Variants in MSS51 observed in about 807,000 individuals in gnomAD.
MSS51 encodes the protein putative protein MSS51 homolog, mitochondrial.
A neutral mutation model predicts 40.2 loss-of-function variants in MSS51; 32 were observed. The ratio of observed to expected loss-of-function variants is 0.80; its 90% CI spans 0.60 to 1.07. MSS51 has a LOEUF of 1.07. Among genes scored for constraint, MSS51 ranks in the 50% least tolerant of loss-of-function variants. The pLI is 0.00. For missense variants in MSS51, 518 were observed against 568.9 expected (o/e 0.91, Z 0.91); for synonymous variants, 178 against 214.2 (o/e 0.83, Z 1.48).
chr10:73,432,482 T>C (rs1376552488), intron 1 of MSS51, among the ~76,000 whole-genome samples: 1 of 152,188 alleles, frequency 6.6e-6, no homozygotes, highest in Admixed American at 6.5e-5. Context: ...ATAAGCCTTT[T>C]TGCTGCAATG....
chr10:73,432,163 T>TA (rs1488641045), intron 1 of MSS51, among the ~76,000 whole-genome samples: 2 of 152,070 alleles, frequency 1.3e-5, no homozygotes, highest in African/African-American at 4.8e-5. Context: ...CTCAGCCTCC[T>TA]GAGTAGCTGG....
intron 2 of MSS51, 108 bp from the exon 3 acceptor site, chr10:73,427,876 C>T: frequency 7.5e-7 from 1 of 1,328,588 alleles, no homozygotes; most frequent in Non-Finnish European, 1.0e-6. Context: ...TCCTATGTCT[C>T]CCACTGCCAT....
intron 6 of MSS51, 68 bp from the exon 7 acceptor site, chr10:73,424,840 A>G (rs1285554580): frequency 7.6e-6 from 10 of 1,311,364 alleles, no homozygotes; most frequent in Non-Finnish European, 1.1e-5. Context: ...ACTGCCCAAG[A>G]GCCTGACATT....
intron 1 of MSS51, among the ~76,000 whole-genome samples, chr10:73,429,339 T>C (rs1403921207): frequency 1.3e-5 from 2 of 152,192 alleles, no homozygotes; most frequent in African/African-American, 2.4e-5. Context: ...GGAGAAAATA[T>C]TAATATAGCT....
At chr10:73,429,609 C>A (rs1251809417) in intron 1 of MSS51, 1 of 456,610 alleles carries the variant, frequency 2.2e-6, no homozygotes, top group Non-Finnish European at 4.4e-6. Context: ...AGAAGTAAGC[C>A]TACACTCAGT....
At chr10:73,424,854 G>A (rs999693132) in intron 6 of MSS51, 82 bp from the exon 7 acceptor site, 27 of 1,163,548 alleles carry the variant, frequency 2.3e-5, no homozygotes, top group African/African-American at 3.0e-5. Context: ...TGACATTTCT[G>A]TAATCACCCA....
chr10:73,430,388 A>T (rs2056019275), intron 1 of MSS51, among the ~76,000 whole-genome samples: 1 of 152,216 alleles, frequency 6.6e-6, no homozygotes, highest in South Asian at 2.1e-4. Context: ...TATTCAAAAT[A>T]TATAAAGAAT....
chr10:73,429,264 A>T (rs557158421), intron 1 of MSS51, among the ~76,000 whole-genome samples: 2 of 152,348 alleles, frequency 1.3e-5, no homozygotes, highest in Admixed American at 6.5e-5. Context: ...GAAGGCAGTT[A>T]AATAGGAACT....
Position 73,427,785 on chromosome 10 carries a change from G to A in MSS51, c.222-17C>T. 6.2e-7 allele frequency: 1 copy of A among 1,612,000 alleles called. No homozygotes were observed. Among genetic ancestry groups the A allele is most frequent in the South Asian group, 1.1e-5 (1 of 90,800 alleles). ...ACCACCAACCTGCAGAGACAGCATG[G>A]AGAAGGAATGACAATGGGGAAAGGA... On this transcript the variant is annotated splice_polypyrimidine_tract_variant and intron_variant, in intron 2 of 6. Coordinates refer to ENST00000299432, the MANE Select transcript of MSS51 (RefSeq NM_001024593.2).
Position 73,425,089 on chromosome 10 carries a change from G to T in MSS51, c.1163+9C>A. 1 of 1,603,488 alleles carries T rather than the reference G, an allele frequency of 6.2e-7. No individual in the cohort carries two copies. The highest frequency in any genetic ancestry group is 8.5e-7 in the Non-Finnish European group (1 of 1,170,560). On this transcript the variant is annotated intron_variant, in intron 6 of 6. Transcript: ENST00000299432. ...CAGGGAAGTATCACAAATAGGATGA[G>T]GTCAAAACCTGTAAACAGTAATCAA...
chr10:73,428,854 C>T (rs1395563251), intron 1 of MSS51, among the ~76,000 whole-genome samples: 6 of 151,622 alleles, frequency 4.0e-5, no homozygotes, highest in African/African-American at 1.5e-4. Context: ...TATATATATA[C>T]ACACACATAT....
At position 73,425,924 on chromosome 10, in the gene MSS51, T is replaced by C. The variant is rs1268864969; in HGVS notation, c.956A>G (p.Glu319Gly). ...GGCACTAAGCTGAATTGTGCCAGGT[T>C]CCAGGGGTGAAGTTGAGGTGCTCTG... ...FSQSTSTSPL[E>G]PGTIQLSAHR... Residue 319 changes from glutamate (E) to glycine (G), a missense_variant, in exon 5 of 7, where the codon GAA (glutamate) becomes GGA (glycine). Coordinates refer to ENST00000299432, the MANE Select transcript of MSS51 (RefSeq NM_001024593.2). 1 of 1,614,036 alleles carries C rather than the reference T, an allele frequency of 6.2e-7. No homozygotes were observed. The highest frequency in any genetic ancestry group is 1.3e-5 in the African/African-American group (1 of 74,912).
rs769088492 is a variant in MSS51, at chr10:73,424,782, AG to A, written c.1164-11del. 126 of 1,604,296 alleles carry A rather than the reference AG, an allele frequency of 7.9e-5. No homozygotes were observed. The African/African-American group carries it at 1.3e-3, about 17-fold the overall frequency. On this transcript the variant is annotated splice_polypyrimidine_tract_variant and intron_variant, in intron 6 of 6. Transcript: ENST00000299432. The stretch of plus-strand genomic sequence containing the variant: ...TACCAACTCCTGATGGCTGTAGAAG[AG>A]AGAGAAGAAAAATTACTCTACTGAT...
At position 73,427,731 on chromosome 10, in the gene MSS51, C is replaced by A. The variant is rs773176348; in HGVS notation, c.259G>T (p.Gly87Ter). ...VDGGTPVSGFGFRCPQEMFQR... is the reference protein window; with the variant it reads ...VDGGTPVSGF ...AACATTTCTTGAGGACATCGAAATC[C>A]AAAGCCTGATACGGGGGTACCCCCA... Residue 87 changes from glycine (G) to a stop codon, truncating the protein, a stop_gained, in exon 3 of 7, where the codon GGA becomes TGA. Coordinates refer to ENST00000299432, the MANE Select transcript of MSS51 (RefSeq NM_001024593.2). LOFTEE classifies it high-confidence loss of function. The A allele has an allele frequency of 1.2e-6, 2 of 1,614,160 alleles. No individual in the cohort carries two copies. The highest frequency in any genetic ancestry group is 1.7e-6 in the Non-Finnish European group (2 of 1,180,020).
chr10:73,430,110 A>T (rs1480474926), intron 1 of MSS51, among the ~76,000 whole-genome samples: 1 of 152,212 alleles, frequency 6.6e-6, no homozygotes, highest in Non-Finnish European at 1.5e-5. Flanking sequence ...GAATGACTCG[A>T]GTTTGAATGT....
chr10:73,424,692 A>G lies in MSS51; in HGVS notation c.1244T>C (p.Met415Thr). Residue 415 changes from methionine to threonine, a missense_variant, in exon 7 of 7, where the codon ATG becomes ACG. Physicochemically the swap from Met to Thr is moderately conservative, Grantham distance 81. Transcript: ENST00000299432. ...ATAGACCTGTTCAGGTTTGAGGGAC[A>G]TGAAAGGATTAGACCCAAAGGCAGT... ...HITAFGSNPF[M>T]SLKPEQVYSS... is the part of the protein sequence containing the mutation. 6.2e-7 allele frequency: 1 copy of G among 1,614,168 alleles called. No individual in the cohort carries two copies. Among genetic ancestry groups the G allele is most frequent in the Non-Finnish European group, 8.5e-7 (1 of 1,180,006 alleles).
chr10:73,426,290 T>G lies in MSS51; in HGVS notation c.590A>C (p.His197Pro). 6.2e-7 allele frequency: 1 copy of G among 1,609,486 alleles called. No homozygotes were observed. Residue 197 changes from histidine to proline, a missense_variant, in exon 5 of 7, where the codon CAC becomes CCC. Coordinates refer to ENST00000299432, the MANE Select transcript of MSS51 (RefSeq NM_001024593.2). ...WDSWFSMKGL[H>P]LDATLDAVLV... ...CACAGCATCCAATGTAGCATCTAGG[T>G]GTAACCCCTTCATAGAAAACCAGGA...
intron 3 of MSS51, 79 bp from the exon 4 acceptor site, chr10:73,426,810 C>T: frequency 6.6e-7 from 1 of 1,519,808 alleles, no homozygotes; most frequent in South Asian, 1.2e-5. Context: ...GATATTCCTG[C>T]ACCTAGGATG....
intron 3 of MSS51, 21 bp from the exon 4 acceptor site, chr10:73,426,752 T>A: frequency 6.2e-7 from 1 of 1,612,862 alleles, no homozygotes; most frequent in Non-Finnish European, 8.5e-7. Context: ...GAGAGAGAAA[T>A]AGTTCTTATA....
Sources: allele counts gnomAD v4.1 joint callset (sites outside exome capture counted in the v4.1 genomes callset), GRCh38; gene constraint gnomAD v4.1.1; transcripts MANE v1.5; gene names NCBI Gene and HGNC (gene_info 2026-07-23, HGNC 2026-07-21).